Variants in EPO observed in about 807,000 individuals in gnomAD.
EPO encodes erythropoietin, also known as epoetin.
A neutral mutation model predicts 24.4 loss-of-function variants in EPO; 12 were observed. The observed-to-expected ratio is 0.49, with a 90% CI of 0.32 to 0.80. The LOEUF is 0.80. Ranked by LOEUF, EPO falls within the 30% of genes least tolerant of loss-of-function variation. The pLI, the probability that EPO is intolerant of heterozygous loss-of-function variation, is 0.04. For synonymous variants in EPO, 107 were observed against 104.0 expected, an observed-to-expected ratio of 1.03 and a Z score of -0.18; for missense variants, 210 against 238.0, an observed-to-expected ratio of 0.88 and a Z score of 0.77.
Position 100,721,692 on chromosome 7 carries a change from G to A in EPO, c.148G>A (p.Glu50Lys), listed in dbSNP as rs748786072. 39 of 1,610,134 alleles carry A rather than the reference G, an allele frequency of 2.4e-5. 1 individual carries two copies. The highest frequency in any genetic ancestry group is 2.1e-4 in the South Asian group (19 of 91,068). Reference protein sequence around the residue: ...ERYLLEAKEAENITTGCAEHC... With the variant: ...ERYLLEAKEAKNITTGCAEHC... ...GTACCTCTTGGAGGCCAAGGAGGCC[G>A]AGAATATCACGGTGAGACCCCTTCC... The change falls in exon 2 of 5, where the codon GAG becomes AAG. Residue 50 changes from glutamate (E) to lysine (K), a missense_variant. Coordinates refer to ENST00000252723, the MANE Select transcript of EPO (RefSeq NM_000799.4). The surrounding 1 kb of genome is among the most constrained non-coding windows in gnomAD (Gnocchi z 4.0).
Position 100,723,553 on chromosome 7 carries a change from G to A in EPO, c.*420G>A, listed in dbSNP as rs564197288. ...AAGCTGTGACTTCTCCAGGTCTCAC[G>A]GGCATGGGCACTCCCTTGGTGGCAA... On this transcript the variant is annotated 3_prime_UTR_variant, in exon 5 of 5. Coordinates refer to ENST00000252723, the MANE Select transcript of EPO (RefSeq NM_000799.4). 162 of 159,756 alleles carry A rather than the reference G, an allele frequency of 1.0e-3. 1 individual carries two copies. Among genetic ancestry groups the A allele is most frequent in the Non-Finnish European group, 1.8e-3 (129 of 73,154 alleles). 9.9% of individuals were successfully genotyped at this position (159,756 alleles called of 1,614,324 possible).
chr7:100,721,956 T>C lies in EPO; in HGVS notation c.160-6T>C. On this transcript the variant is annotated splice_polypyrimidine_tract_variant and splice_region_variant and intron_variant, in intron 2 of 4. Coordinates refer to ENST00000252723, the MANE Select transcript of EPO (RefSeq NM_000799.4). This position sits in a 1 kb window ranked among gnomAD's most constrained non-coding sequence, Gnocchi z 4.0. Reference sequence around the variant, plus strand: ...CCCTTGACTCCCCGGGCTGTGTGCATTTCAGACGGGCTGTGCTGAACACTG... The same window carrying C: ...CCCTTGACTCCCCGGGCTGTGTGCACTTCAGACGGGCTGTGCTGAACACTG... 6.2e-7 allele frequency: 1 copy of C among 1,604,760 alleles called. No individual in the cohort carries two copies. Among genetic ancestry groups the C allele is most frequent in the Non-Finnish European group, 8.5e-7 (1 of 1,177,688 alleles).
chr7:100,723,288 G>A lies in EPO; in HGVS notation c.*155G>A, dbSNP rs1806781644. ...CAGTGCCAGCAATGACATCTCAGGGGCCAGAGGAACTGTCCAGAGAGCAAC... is the reference window on the plus strand; with the variant it reads ...CAGTGCCAGCAATGACATCTCAGGGACCAGAGGAACTGTCCAGAGAGCAAC... On this transcript the variant is annotated 3_prime_UTR_variant, in exon 5 of 5. Transcript: ENST00000252723. 1.2e-6 allele frequency: 1 copy of A among 865,172 alleles called. No homozygotes were observed. Among genetic ancestry groups the A allele is most frequent in the Non-Finnish European group, 1.7e-6 (1 of 572,448 alleles). 53.6% of individuals were successfully genotyped at this position (865,172 alleles called of 1,614,324 possible).
chr7:100,722,711 G>A lies in EPO; in HGVS notation c.294G>A (p.Ser98=), dbSNP rs374875798. ...TCTGGCAGGGCCTGGCCCTGCTGTC[G>A]GAAGCTGTCCTGCGGGGCCAGGCCC... The part of the protein sequence containing the change: ...VEVWQGLALL[S]EAVLRGQALL... Residue 98 remains serine, a synonymous_variant, in exon 4 of 5, where the codon TCG becomes TCA. Coordinates refer to ENST00000252723, the MANE Select transcript of EPO (RefSeq NM_000799.4). 61 of 1,612,538 alleles carry A rather than the reference G, an allele frequency of 3.8e-5. No homozygotes were observed. The highest frequency in any genetic ancestry group is 4.5e-5 in the Non-Finnish European group (53 of 1,179,876).
Position 100,722,829 on chromosome 7 carries a change from G to A in EPO, c.412G>A (p.Ala138Thr). 1 of 1,613,206 alleles carries A rather than the reference G, an allele frequency of 6.2e-7. No individual in the cohort carries two copies. The highest frequency in any genetic ancestry group is 8.5e-7 in the Non-Finnish European group (1 of 1,179,786). Residue 138 changes from alanine to threonine, a missense_variant, in exon 4 of 5, where the codon GCT becomes ACT. Ala to Thr is a moderately conservative substitution (Grantham distance 58). Transcript: ENST00000252723. ...TCGCAGCCTCACCACTCTGCTTCGG[G>A]CTCTGGGAGCCCAGGTGAGTAGGAG... is the stretch of plus-strand genomic sequence containing the variant. ...GLRSLTTLLR[A>T]LGAQKEAISP... is the part of the protein sequence containing the mutation.
At position 100,721,120 on chromosome 7, in the gene EPO, G is replaced by A. The variant is rs547772793; in HGVS notation, c.13+127G>A. 3.2e-5 allele frequency: 21 copies of A among 647,940 alleles called. No homozygotes were observed. In the South Asian group the frequency reaches 4.4e-4, roughly 13 times the overall value. The allele number at this position is 647,940 out of a possible 1,614,324, so 40.1% of individuals were successfully genotyped here. A position where few individuals can be genotyped will look rare whatever the true frequency, so the allele number is the denominator to read the frequency against. ...CGGCGACTTGTCAAGGACCCCGGAA[G>A]GGGGAGGGGGGTGGGGCAGCCTCCA... is the stretch of plus-strand genomic sequence containing the variant. On this transcript the variant is annotated intron_variant, in intron 1 of 4. Transcript: ENST00000252723. The surrounding 1 kb of genome is among the most constrained non-coding windows in gnomAD (Gnocchi z 4.0).
rs1562901846 is a variant in EPO at position 100,722,738 on chromosome 7, G to A, written c.321G>A (p.Leu107=). 6.2e-7 allele frequency: 1 copy of A among 1,613,902 alleles called. No individual in the cohort carries two copies. The highest frequency in any genetic ancestry group is 8.5e-7 in the Non-Finnish European group (1 of 1,179,976). The change falls in exon 4 of 5, where the codon CTG becomes CTA. Residue 107 remains leucine, a synonymous_variant. Coordinates refer to ENST00000252723, the MANE Select transcript of EPO (RefSeq NM_000799.4). ...AAGCTGTCCTGCGGGGCCAGGCCCTGTTGGTCAACTCTTCCCAGCCGTGGG... is the reference window on the plus strand; with the variant it reads ...AAGCTGTCCTGCGGGGCCAGGCCCTATTGGTCAACTCTTCCCAGCCGTGGG... The part of the protein sequence containing the change: ...LSEAVLRGQA[L]LVNSSQPWEP...
Position 100,721,864 on chromosome 7 carries a change from G to A in EPO, c.160-98G>A. 1 of 1,527,150 alleles carries A rather than the reference G, an allele frequency of 6.5e-7. No homozygotes were observed. The highest frequency in any genetic ancestry group is 1.2e-5 in the South Asian group (1 of 80,492). The allele number at this position is 1,527,150 out of a possible 1,614,324, so 94.6% of individuals were successfully genotyped here. ...GTCTGGTGGCCCCAAACCATACCTGGAAACTAGGCAAGGAGCAAAGCCAGC... is the reference window on the plus strand; with the variant it reads ...GTCTGGTGGCCCCAAACCATACCTGAAAACTAGGCAAGGAGCAAAGCCAGC... On this transcript the variant is annotated intron_variant, in intron 2 of 4. Transcript: ENST00000252723. The surrounding 1 kb of genome is among the most constrained non-coding windows in gnomAD (Gnocchi z 4.0).
At position 100,721,713 on chromosome 7, in the gene EPO, C is replaced by T. The variant is rs1307702926; in HGVS notation, c.159+10C>T. 6.2e-7 allele frequency: 1 copy of T among 1,606,146 alleles called. No homozygotes were observed. The highest frequency in any genetic ancestry group is 8.5e-7 in the Non-Finnish European group (1 of 1,179,316). On this transcript the variant is annotated intron_variant, in intron 2 of 4. Coordinates refer to ENST00000252723, the MANE Select transcript of EPO (RefSeq NM_000799.4). The surrounding 1 kb of genome is among the most constrained non-coding windows in gnomAD (Gnocchi z 4.0). ...GGCCGAGAATATCACGGTGAGACCCCTTCCCCAGCACATTCCACAGAACTC... is the reference window on the plus strand; with the variant it reads ...GGCCGAGAATATCACGGTGAGACCCTTTCCCCAGCACATTCCACAGAACTC...
chr7:100,721,128 G>C lies in EPO; in HGVS notation c.13+135G>C. ...TGTCAAGGACCCCGGAAGGGGGAGG[G>C]GGGTGGGGCAGCCTCCACGTGCCAG... On this transcript the variant is annotated intron_variant, in intron 1 of 4. Transcript: ENST00000252723. This position sits in a 1 kb window ranked among gnomAD's most constrained non-coding sequence, Gnocchi z 4.0. 1.9e-6 allele frequency: 1 copy of C among 525,856 alleles called. No individual in the cohort carries two copies. Among genetic ancestry groups the C allele is most frequent in the Non-Finnish European group, 3.2e-6 (1 of 312,354 alleles). 32.6% of individuals were successfully genotyped at this position (525,856 alleles called of 1,614,324 possible). A position where few individuals can be genotyped will look rare whatever the true frequency, so the allele number is the denominator to read the frequency against.
chr7:100,720,924 C>A lies in EPO; in HGVS notation c.-57C>A, dbSNP rs1806729435. The A allele has an allele frequency of 1.3e-6, 2 of 1,528,226 alleles. No individual in the cohort carries two copies. The highest frequency in any genetic ancestry group is 1.8e-6 in the Non-Finnish European group (2 of 1,140,402). 94.7% of individuals were successfully genotyped at this position (1,528,226 alleles called of 1,614,324 possible). A position where few individuals can be genotyped will look rare whatever the true frequency, so the allele number is the denominator to read the frequency against. On this transcript the variant is annotated 5_prime_UTR_variant, in exon 1 of 5. Transcript: ENST00000252723. ...GCCGAGCTTCCCGGGATGAGGGCCCCCGGTGTGGTCACCCGGCGCGCCCCA... is the reference window on the plus strand; with the variant it reads ...GCCGAGCTTCCCGGGATGAGGGCCCACGGTGTGGTCACCCGGCGCGCCCCA...
At chr7:100,722,524 CTCACTCATTCATTCAT>C in intron 3 of EPO, 124 bp from the exon 4 acceptor site, 1 of 577,266 alleles carries the variant, frequency 1.7e-6, no homozygotes, top group Non-Finnish European at 3.1e-6. Flanking sequence ...CACTCACTCA[CTCACTCATTCATTCAT>C]TCATTCATTC....
In EPO at chr7:100,721,454, A is replaced by G. The variant is rs1806738128; in HGVS notation, c.14-104A>G. ...CCTGAGTGCTTGCATGGTTGGGGACAGGAAGGACGAGCTGGGGCAGAGACG... is the reference window on the plus strand; with the variant it reads ...CCTGAGTGCTTGCATGGTTGGGGACGGGAAGGACGAGCTGGGGCAGAGACG... On this transcript the variant is annotated intron_variant, in intron 1 of 4. Transcript: ENST00000252723. This position sits in a 1 kb window ranked among gnomAD's most constrained non-coding sequence, Gnocchi z 4.0. 2.9e-5 allele frequency: 42 copies of G among 1,469,340 alleles called. No homozygotes were observed. Among genetic ancestry groups the G allele is most frequent in the Non-Finnish European group, 3.9e-5 (42 of 1,088,210 alleles). 91.0% of individuals were successfully genotyped at this position (1,469,340 alleles called of 1,614,324 possible).
Position 100,720,710 on chromosome 7 carries a change from T to A in EPO, c.-271T>A. The A allele has an allele frequency of 5.8e-4, 99 of 171,728 alleles. No individual in the cohort carries two copies. Among genetic ancestry groups the A allele is most frequent in the East Asian group, 1.3e-3 (10 of 7,762 alleles). 10.6% of individuals were successfully genotyped at this position (171,728 alleles called of 1,614,324 possible). ...CCACCCCCACCCGCGCACGCACACA[T>A]GCAGATAACAGCCCCGACCCCCGGC... On this transcript the variant is annotated 5_prime_UTR_variant, in exon 1 of 5. It removes an upstream start codon present in the reference 5' UTR. Transcript: ENST00000252723.
chr7:100,722,122 A>C lies in EPO; in HGVS notation c.246+74A>C, dbSNP rs957110791. 3 of 1,355,400 alleles carry C rather than the reference A, an allele frequency of 2.2e-6. No homozygotes were observed. In the African/African-American group the frequency reaches 4.6e-5, roughly 21 times the overall value. 84.0% of individuals were successfully genotyped at this position (1,355,400 alleles called of 1,614,324 possible). ...GCGAGCCTGATTTTGGATGAAAGGG[A>C]GAATGATCGAGGGAAAGGTAAAATG... On this transcript the variant is annotated intron_variant, in intron 3 of 4. Coordinates refer to ENST00000252723, the MANE Select transcript of EPO (RefSeq NM_000799.4).
chr7:100,723,256 G>C lies in EPO; in HGVS notation c.*123G>C. 1 of 1,156,022 alleles carries C rather than the reference G, an allele frequency of 8.7e-7. No individual in the cohort carries two copies. Among genetic ancestry groups the C allele is most frequent in the Non-Finnish European group, 1.2e-6 (1 of 814,792 alleles). 71.6% of individuals were successfully genotyped at this position (1,156,022 alleles called of 1,614,324 possible). On this transcript the variant is annotated 3_prime_UTR_variant, in exon 5 of 5. Transcript: ENST00000252723. ...CAGCTCAGCGCCAGCCTGTCCCATG[G>C]ACACTCCAGTGCCAGCAATGACATC... is the stretch of plus-strand genomic sequence containing the variant.
At position 100,723,096 on chromosome 7, in the gene EPO, T is replaced by G; in HGVS notation, c.545T>G (p.Leu182Arg). ...AATTTCCTCCGGGGAAAGCTGAAGC[T>G]GTACACAGGGGAGGCCTGCAGGACA... ...YSNFLRGKLKLYTGEACRTGD... is the reference protein window; with the variant it reads ...YSNFLRGKLKRYTGEACRTGD... Residue 182 changes from leucine (L) to arginine (R), a missense_variant, in exon 5 of 5, where the codon CTG becomes CGG. Transcript: ENST00000252723. 1.2e-6 allele frequency: 2 copies of G among 1,614,090 alleles called. No individual in the cohort carries two copies. The highest frequency in any genetic ancestry group is 1.7e-5 in the Admixed American group (1 of 59,992).
chr7:100,721,069 G>T lies in EPO; in HGVS notation c.13+76G>T. 1 of 1,437,460 alleles carries T rather than the reference G, an allele frequency of 7.0e-7. No individual in the cohort carries two copies. The allele number at this position is 1,437,460 out of a possible 1,614,324, so 89.0% of individuals were successfully genotyped here. A position where few individuals can be genotyped will look rare whatever the true frequency, so the allele number is the denominator to read the frequency against. ...CGGGGATTTAGCGCCCCGGCTATTGGCCAGGAGGTGGCTGGGTTCAAGGAC... is the reference window on the plus strand; with the variant it reads ...CGGGGATTTAGCGCCCCGGCTATTGTCCAGGAGGTGGCTGGGTTCAAGGAC... On this transcript the variant is annotated intron_variant, in intron 1 of 4. Coordinates refer to ENST00000252723, the MANE Select transcript of EPO (RefSeq NM_000799.4). This position sits in a 1 kb window ranked among gnomAD's most constrained non-coding sequence, Gnocchi z 4.0.
Position 100,721,628 on chromosome 7 carries a change from C to T in EPO, c.84C>T (p.Ala28=). The T allele has an allele frequency of 6.2e-7, 1 of 1,613,878 alleles. No homozygotes were observed. ...SLPLGLPVLG[A]PPRLICDSRV... The stretch of plus-strand genomic sequence containing the variant: ...CTCTGGGCCTCCCAGTCCTGGGCGC[C>T]CCACCACGCCTCATCTGTGACAGCC... Residue 28 remains alanine (A), a synonymous_variant, in exon 2 of 5, where the codon GCC becomes GCT. Transcript: ENST00000252723. This position sits in a 1 kb window ranked among gnomAD's most constrained non-coding sequence, Gnocchi z 4.0.
Sources: gnomAD v4.1 joint callset for allele counts on GRCh38, gnomAD v4.1.1 for gene constraint, Gnocchi (gnomAD v3.1) non-coding constraint, MANE v1.5 for transcripts, NCBI Gene and HGNC (gene_info 2026-07-23, HGNC 2026-07-21) for gene names.